The following YEATS2 variants were observed in gnomAD, a reference collection of about 807,000 sequenced individuals.
The protein encoded by YEATS2 is YEATS domain-containing protein 2.
In YEATS2, 77 loss-of-function variants were observed where a neutral mutation model predicts 163.2. That is an observed-to-expected ratio of 0.47 (90% CI 0.39 to 0.57). YEATS2 has a LOEUF of 0.57. YEATS2 is among the 20% of genes least tolerant of loss of function. YEATS2 has a pLI of 0.00. For missense variants in YEATS2, 1,549 were observed against 1,729.8 expected (o/e 0.90, Z 1.85); for synonymous variants, 631 against 645.1 (o/e 0.98, Z 0.33).
chr3:183,778,575 C>G (rs1723245397), intron 19 of YEATS2, among the ~76,000 whole-genome samples: 2 of 152,110 alleles, frequency 1.3e-5, no homozygotes, highest in Non-Finnish European at 2.9e-5. Context: ...AGGCTGGTCT[C>G]CAGCTCGTGA....
At chr3:183,701,382 G>C (rs1464933115) in intron 1 of YEATS2, among the ~76,000 whole-genome samples, 1 of 147,118 alleles carries the variant, frequency 6.8e-6, no homozygotes, top group African/African-American at 2.5e-5. Flanking sequence ...ACCGCGCCCG[G>C]CCGGTCAATA....
At chr3:183,780,344 A>G (rs1293051456) in intron 19 of YEATS2, among the ~76,000 whole-genome samples, 1 of 152,182 alleles carries the variant, frequency 6.6e-6, no homozygotes, top group Non-Finnish European at 1.5e-5. Flanking sequence ...GGTTGCCTCA[A>G]GCTTCTGCTA....
chr3:183,759,000 C>A, intron 13 of YEATS2, 35 bp downstream of exon 13: 2 of 1,330,700 alleles, frequency 1.5e-6, no homozygotes, highest in Non-Finnish European at 2.1e-6. Flanking sequence ...ACTTTGCTAG[C>A]TTCTTTTTCT....
chr3:183,722,375 G>A (rs181746737), intron 5 of YEATS2, among the ~76,000 whole-genome samples: 3 of 141,384 alleles, frequency 2.1e-5, no homozygotes, highest in African/African-American at 8.3e-5. Context: ...TGCAACCTCC[G>A]CCTCCCGGGT....
At chr3:183,741,162 C>T (rs1393305462) in intron 8 of YEATS2, among the ~76,000 whole-genome samples, 2 of 151,844 alleles carry the variant, frequency 1.3e-5, no homozygotes, top group Admixed American at 6.6e-5. Context: ...TGGTCTCAAA[C>T]TCCTGAACTC....
intron 2 of YEATS2, 84 bp from the exon 3 acceptor site, chr3:183,717,567 G>C: frequency 9.7e-7 from 1 of 1,030,754 alleles, no homozygotes; most frequent in Non-Finnish European, 1.4e-6. Flanking sequence ...ACTATTTCTT[G>C]GATTTCTTTT....
At chr3:183,714,684 C>T (rs541490554) in intron 1 of YEATS2, among the ~76,000 whole-genome samples, 23 of 152,158 alleles carry the variant, frequency 1.5e-4, no homozygotes, top group African/African-American at 5.3e-4. Flanking sequence ...ATTTATTGAG[C>T]CTTTAACTAT....
chr3:183,738,026 TG>T (rs566513044), intron 8 of YEATS2, among the ~76,000 whole-genome samples: 117 of 152,290 alleles, frequency 7.7e-4, no homozygotes, highest in African/African-American at 2.6e-3. Flanking sequence ...TTGATGATCC[TG>T]TGATCAGTGG....
chr3:183,809,379 G>T, intron 30 of YEATS2: 1 of 521,328 alleles, frequency 1.9e-6, no homozygotes. Context: ...TTTGCTCAGA[G>T]GTTTATATCC....
intron 22 of YEATS2, among the ~76,000 whole-genome samples, chr3:183,798,388 C>G (rs1272964822): frequency 4.6e-5 from 7 of 152,294 alleles, no homozygotes; most frequent in South Asian, 2.1e-4. Context: ...GAGTTTTGCT[C>G]TGTCACCAGA....
chr3:183,702,842 A>AAAG (rs1430789210), intron 1 of YEATS2, among the ~76,000 whole-genome samples: 1 of 152,012 alleles, frequency 6.6e-6, no homozygotes, highest in Non-Finnish European at 1.5e-5. Context: ...TCAAAAAAAA[A>AAAG]AAAGGGAATG....
In YEATS2 at chr3:183,804,160, C is replaced by T. The variant is rs375446410; in HGVS notation, c.3756C>T (p.Asp1252=). 25 of 1,614,054 alleles carry T rather than the reference C, an allele frequency of 1.5e-5. No individual in the cohort carries two copies. The African/African-American group carries it at 1.9e-4, about 12-fold the overall frequency. The change falls in exon 27 of 31, where the codon GAC becomes GAT. Residue 1252 remains aspartate, a synonymous_variant. Coordinates refer to ENST00000305135, the MANE Select transcript of YEATS2 (RefSeq NM_018023.5). ...GGAATGACGGGGACTCCATCGAGGA[C>T]GTGCTGACCCAGATCGACAGCGAGC... ...SLRNDGDSIE[D]VLTQIDSEPE... is the part of the protein sequence containing the mutation.
chr3:183,778,292 G>C (rs569749527), intron 19 of YEATS2, among the ~76,000 whole-genome samples: 1 of 152,260 alleles, frequency 6.6e-6, no homozygotes, highest in African/African-American at 2.4e-5. Context: ...AGGTATAAAT[G>C]TGATAGCAAA....
intron 15 of YEATS2, among the ~76,000 whole-genome samples, chr3:183,768,047 T>C (rs1307314603): frequency 6.6e-6 from 1 of 152,232 alleles, no homozygotes; most frequent in African/African-American, 2.4e-5. Context: ...TTATTTGATA[T>C]GTTTGGGAGG....
At chr3:183,793,492 A>AC (rs11281085) in intron 21 of YEATS2, 13 of 963,734 alleles carry the variant, frequency 1.3e-5, no homozygotes, top group South Asian at 4.8e-5. Flanking sequence ...AATAATGAAT[A>AC]CCTTGTCTGT....
intron 1 of YEATS2, among the ~76,000 whole-genome samples, chr3:183,714,662 G>A (rs1715645508): frequency 1.3e-5 from 2 of 152,150 alleles, no homozygotes; most frequent in African/African-American, 4.8e-5. Flanking sequence ...GAAAGGATCT[G>A]TATAATCAAT....
chr3:183,748,244 T>C (rs1009527808), intron 9 of YEATS2, among the ~76,000 whole-genome samples: 33 of 125,332 alleles, frequency 2.6e-4, no homozygotes, highest in Admixed American at 4.2e-4. Context: ...CCTTGTCCCC[T>C]CCCCTTCCCC....
At chr3:183,806,502 T>C (rs944816944) in intron 27 of YEATS2, 2 of 435,054 alleles carry the variant, frequency 4.6e-6, no homozygotes, top group African/African-American at 4.1e-5. Context: ...GTGATTCTTT[T>C]TATTTTCTTC....
At chr3:183,701,845 C>T (rs1424471686) in intron 1 of YEATS2, among the ~76,000 whole-genome samples, 1 of 152,110 alleles carries the variant, frequency 6.6e-6, no homozygotes, top group Non-Finnish European at 1.5e-5. Flanking sequence ...CCACTGCATT[C>T]TCCTCACCCT....
Sources: gnomAD v4.1 joint callset for allele counts (sites outside exome capture counted in the v4.1 genomes callset) on GRCh38, gnomAD v4.1.1 for gene constraint, MANE v1.5 for transcripts, NCBI Gene and HGNC (gene_info 2026-07-23, HGNC 2026-07-21) for gene names.